TEX15: variants seen among roughly 807,000 people sequenced by gnomAD.
TEX15 encodes testis-expressed protein 15.
TEX15 carries 171 observed loss-of-function variants against 237.3 expected under a neutral mutation model. The observed-to-expected ratio is 0.72, with a 90% confidence interval of 0.64 to 0.82. The LOEUF (loss-of-function observed/expected upper bound fraction) is 0.82, where lower values mean the gene tolerates loss of function less well. Ranked by LOEUF, TEX15 falls within the 40% of genes least tolerant of loss-of-function variation. The pLI is 0.00. For missense variants in TEX15, 3,750 were observed against 3,646.5 expected, an observed-to-expected ratio of 1.03 and a Z score of -0.73; for synonymous variants, 1,338 against 1,269.8, an observed-to-expected ratio of 1.05 and a Z score of -1.14.
intron 8 of TEX15, among the ~76,000 whole-genome samples, 184 bp from the exon 9 acceptor site, chr8:30,840,148 T>C (rs546599414): frequency 1.3e-5 from 2 of 152,304 alleles, no homozygotes; most frequent in East Asian, 3.9e-4. Flanking sequence ...TTCATATATG[T>C]TTGGAGTAAC....
At position 30,887,960 on chromosome 8, in the gene TEX15, G is replaced by A. The variant is rs146984079; in HGVS notation, c.-9-649C>T. ...TTTGTTTCTAATGCATTTTTTCCTCGTAATTCATGTAACTGCTATTAGGTA... is the reference window on the plus strand; with the variant it reads ...TTTGTTTCTAATGCATTTTTTCCTCATAATTCATGTAACTGCTATTAGGTA... On this transcript the variant is annotated intron_variant, in intron 2 of 10. Coordinates refer to ENST00000643185, the MANE Select transcript of TEX15 (RefSeq NM_001350162.2). Among the ~76,000 whole-genome samples the A allele has an allele frequency of 7.0e-3, 880 of 126,338 alleles. 11 individuals carry two copies. The highest frequency in any genetic ancestry group is 0.024 in the African/African-American group (830 of 35,070). 82.9% of individuals were successfully genotyped at this position (126,338 alleles called of 152,430 possible).
chr8:30,852,977 T>C (rs1018356277), intron 7 of TEX15, among the ~76,000 whole-genome samples: 3 of 152,204 alleles, frequency 2.0e-5, no homozygotes, highest in African/African-American at 4.8e-5. Flanking sequence ...ATGTGACTAG[T>C]GGCTACTGTA....
At position 30,848,100 on chromosome 8, in the gene TEX15, T is replaced by G; in HGVS notation, c.2067A>C (p.Glu689Asp). The G allele has an allele frequency of 6.2e-7, 1 of 1,610,550 alleles. No homozygotes were observed. Among genetic ancestry groups the G allele is most frequent in the Non-Finnish European group, 8.5e-7 (1 of 1,178,166 alleles). Residue 689 changes from glutamate to aspartate, a missense_variant, in exon 8 of 11, where the codon GAA becomes GAC. Glu to Asp is a conservative substitution (Grantham distance 45). Coordinates refer to ENST00000643185, the MANE Select transcript of TEX15 (RefSeq NM_001350162.2). Reference sequence around the variant, plus strand: ...TGGTAGATGTAGAAGATTTTGTTATTTCTAACTCTTGAGTAATTAATATTT... The same window carrying G: ...TGGTAGATGTAGAAGATTTTGTTATGTCTAACTCTTGAGTAATTAATATTT... Reference protein sequence around the residue: ...CDKILITQELEITKSSTSTIK... With the variant: ...CDKILITQELDITKSSTSTIK...
At chr8:30,865,182 T>A (rs1162212593) in intron 5 of TEX15, among the ~76,000 whole-genome samples, 6 of 152,092 alleles carry the variant, frequency 3.9e-5, no homozygotes, top group Admixed American at 3.9e-4. Context: ...TAGAGACTAG[T>A]ATGATAACTA....
chr8:30,889,571 TTAGGA>T (rs1294812171), intron 2 of TEX15, among the ~76,000 whole-genome samples: 33 of 152,302 alleles, frequency 2.2e-4, no homozygotes, highest in African/African-American at 7.2e-4. Context: ...CAGTGCTTAC[TTAGGA>T]TAATACTTTG....
rs766517085 is a variant in TEX15 at position 30,887,136 on chromosome 8, C to G, written c.136+31G>C. On this transcript the variant is annotated intron_variant, in intron 3 of 10. Transcript: ENST00000643185. Reference sequence around the variant, plus strand: ...AATCAGAGAAATACAGTAATAGTTACTAAAAAAATTCCCAACCACAGAAAT... The same window carrying G: ...AATCAGAGAAATACAGTAATAGTTAGTAAAAAAATTCCCAACCACAGAAAT... 2.8e-5 allele frequency: 43 copies of G among 1,509,080 alleles called. 3 individuals are homozygous for G. The South Asian group carries it at 4.8e-4, about 17-fold the overall frequency. The allele number at this position is 1,509,080 out of a possible 1,614,324, so 93.5% of individuals were successfully genotyped here.
intron 2 of TEX15, among the ~76,000 whole-genome samples, chr8:30,894,787 A>G (rs2128777736): frequency 6.6e-6 from 1 of 152,352 alleles, no homozygotes; most frequent in East Asian, 1.9e-4. Flanking sequence ...AAAAAGCCTA[A>G]TGTGAAGGTA....
intron 2 of TEX15, among the ~76,000 whole-genome samples, chr8:30,893,491 T>A (rs903938279): frequency 3.3e-5 from 5 of 152,202 alleles, no homozygotes; most frequent in African/African-American, 1.2e-4. Flanking sequence ...TTGTACCTAG[T>A]GCAATGTTGA....
chr8:30,853,157 T>C (rs1041373120), intron 7 of TEX15, among the ~76,000 whole-genome samples: 5 of 152,186 alleles, frequency 3.3e-5, no homozygotes, highest in Admixed American at 2.0e-4. Flanking sequence ...TGGGCTGCAG[T>C]AGAAGTAGGG....
chr8:30,846,698 G>T lies in TEX15; in HGVS notation c.3469C>A (p.Gln1157Lys), dbSNP rs757166190. 67 of 1,613,380 alleles carry T rather than the reference G, an allele frequency of 4.2e-5. 2 individuals carry two copies. The South Asian group carries it at 7.3e-4, about 17-fold the overall frequency. The change falls in exon 8 of 11, where the codon CAA (glutamine) becomes AAA (lysine). Residue 1157 changes from glutamine (Q) to lysine (K), a missense_variant. Transcript: ENST00000643185. ...LTSPILLPDL[Q>K]IKITNIFRPG... is the part of the protein sequence containing the mutation. ...CTAAATATATTAGTAATTTTAATTT[G>T]TAGATCTGGAAGTAAAATTGGGCTG...
At chr8:30,890,922 G>A (rs1808783063) in intron 2 of TEX15, among the ~76,000 whole-genome samples, 1 of 152,128 alleles carries the variant, frequency 6.6e-6, no homozygotes, top group Admixed American at 6.5e-5. Flanking sequence ...CACAAAGATA[G>A]TATTGTAGTT....
chr8:30,861,795 A>G (rs554232696), intron 5 of TEX15, among the ~76,000 whole-genome samples: 1 of 152,300 alleles, frequency 6.6e-6, no homozygotes, highest in Admixed American at 6.5e-5. Context: ...AGCTCTTAAA[A>G]TATGCTTTAG....
At chr8:30,854,651 C>A (rs937685571) in intron 7 of TEX15, among the ~76,000 whole-genome samples, 1 of 151,884 alleles carries the variant, frequency 6.6e-6, no homozygotes, top group African/African-American at 2.4e-5. Flanking sequence ...TCCTATGGAA[C>A]AATATTAACC....
intron 3 of TEX15, among the ~76,000 whole-genome samples, chr8:30,882,313 G>A (rs1033240974): frequency 3.9e-5 from 6 of 152,304 alleles, no homozygotes; most frequent in African/African-American, 1.4e-4. Flanking sequence ...ATGAGACGGA[G>A]TCTCGCTCTG....
At chr8:30,905,012 T>TA (rs1459368665) in intron 1 of TEX15, among the ~76,000 whole-genome samples, 2 of 152,210 alleles carry the variant, frequency 1.3e-5, no homozygotes, top group Non-Finnish European at 2.9e-5. Context: ...TTTAGGTACT[T>TA]ACATTAAATG....
intron 5 of TEX15, among the ~76,000 whole-genome samples, chr8:30,863,545 T>C (rs1808095213): frequency 6.6e-6 from 1 of 152,150 alleles, no homozygotes; most frequent in South Asian, 2.1e-4. Flanking sequence ...GTGGCAGGCA[T>C]TGCTGCATCA....
intron 1 of TEX15, among the ~76,000 whole-genome samples, chr8:30,908,423 C>T (rs530350637): frequency 6.6e-6 from 1 of 152,284 alleles, no homozygotes; most frequent in South Asian, 2.1e-4. Context: ...ATGTTTTCAT[C>T]TATGTATATC....
intron 1 of TEX15, among the ~76,000 whole-genome samples, chr8:30,911,398 C>T (rs1481235434): frequency 1.3e-5 from 2 of 152,184 alleles, no homozygotes; most frequent in Non-Finnish European, 2.9e-5. Flanking sequence ...GCGATCCGCC[C>T]GCCTTGGCCT....
intron 7 of TEX15, among the ~76,000 whole-genome samples, chr8:30,856,663 T>C (rs1807919892): frequency 6.6e-6 from 1 of 152,046 alleles, no homozygotes; most frequent in African/African-American, 2.4e-5. Flanking sequence ...TCAACTGAAT[T>C]GACATACAAT....
Sources: allele counts gnomAD v4.1 joint callset (sites outside exome capture counted in the v4.1 genomes callset), GRCh38; gene constraint gnomAD v4.1.1; transcripts MANE v1.5; gene names NCBI Gene and HGNC (gene_info 2026-07-23, HGNC 2026-07-21).